PTPRN2: variants seen among roughly 807,000 people sequenced by gnomAD.
PTPRN2 encodes the protein receptor-type tyrosine-protein phosphatase N2.
A neutral mutation model predicts 118.8 loss-of-function variants in PTPRN2; 74 were observed. The observed-to-expected ratio is 0.62, with a 90% CI of 0.52 to 0.76. The LOEUF is 0.76. Ranked by LOEUF, PTPRN2 falls within the 30% of genes least tolerant of loss-of-function variation. The probability of loss-of-function intolerance (pLI) is 0.00; values close to 1 mark genes in which losing one functional copy is unlikely to be tolerated. For missense variants in PTPRN2, 1,481 were observed against 1,394.4 expected (o/e 1.06, Z -0.99); for synonymous variants, 641 against 608.0 (o/e 1.05, Z -0.80).
intron 11 of PTPRN2, among the ~76,000 whole-genome samples, chr7:158,060,888 G>C (rs767865147): frequency 2.0e-5 from 3 of 152,236 alleles, no homozygotes; most frequent in African/African-American, 4.8e-5. Context: ...TGAATCGAAA[G>C]TTTCCTTTAT....
chr7:158,471,462 G>A (rs189623235), intron 2 of PTPRN2, among the ~76,000 whole-genome samples: 78 of 152,314 alleles, frequency 5.1e-4, no homozygotes, highest in African/African-American at 1.8e-3. Flanking sequence ...GGCCGACGCG[G>A]GTGGATCACA....
At chr7:158,453,452 A>C (rs1818231097) in intron 2 of PTPRN2, among the ~76,000 whole-genome samples, 1 of 144,018 alleles carries the variant, frequency 6.9e-6, no homozygotes. Context: ...GACATAGGGG[A>C]ATTGAAAGAG....
At position 157,944,745 on chromosome 7, in the gene PTPRN2, G is replaced by C. The variant is rs1313294539; in HGVS notation, c.1724-46008C>G. On this transcript the variant is annotated intron_variant, in intron 11 of 22. Coordinates refer to ENST00000389418, the MANE Select transcript of PTPRN2 (RefSeq NM_002847.5). The surrounding 1 kb of genome is among the most constrained non-coding windows in gnomAD (Gnocchi z 4.3). ...AGGTCCACGTGCATGGATGAGAGCT[G>C]TGCCCCTCTCTTCTCTAAGCCAAGG... 1.3e-5 allele frequency among the ~76,000 whole-genome samples: 2 copies of C among 152,138 alleles called. No individual in the cohort carries two copies. Among genetic ancestry groups the C allele is most frequent in the African/African-American group, 4.8e-5 (2 of 41,448 alleles).
rs1478014386 is a variant in PTPRN2, at chr7:157,560,012, C to A, written c.2902+8890G>T. ...GGGCCTGGATGGGCTGGTGCCAGCA[C>A]CCGGGACCAAGGAGGGAGCTTGCAG... On this transcript the variant is annotated intron_variant, in intron 21 of 22. Coordinates refer to ENST00000389418, the MANE Select transcript of PTPRN2 (RefSeq NM_002847.5). This position sits in a 1 kb window ranked among gnomAD's most constrained non-coding sequence, Gnocchi z 6.7. Among the ~76,000 whole-genome samples the A allele has an allele frequency of 6.6e-6, 1 of 152,152 alleles. No individual in the cohort carries two copies. Among genetic ancestry groups the A allele is most frequent in the Admixed American group, 6.5e-5 (1 of 15,288 alleles).
At chr7:158,235,864 G>C (rs74517701) in intron 3 of PTPRN2, among the ~76,000 whole-genome samples, 1 of 152,074 alleles carries the variant, frequency 6.6e-6, no homozygotes, top group Non-Finnish European at 1.5e-5. Flanking sequence ...TATGTACATC[G>C]ATTCTGTATC....
At chr7:157,767,779 G>T (rs1230720817) in intron 12 of PTPRN2, among the ~76,000 whole-genome samples, 1 of 152,250 alleles carries the variant, frequency 6.6e-6, no homozygotes, top group Non-Finnish European at 1.5e-5. Flanking sequence ...GGCAAGGCCT[G>T]CCAGGCTCAG....
At chr7:158,561,780 G>A (rs1827400894) in intron 1 of PTPRN2, among the ~76,000 whole-genome samples, 1 of 152,114 alleles carries the variant, frequency 6.6e-6, no homozygotes, top group African/African-American at 2.4e-5. Context: ...AGATGGCCCG[G>A]GCCAACACCA....
chr7:157,770,064 C>T (rs1360795191), intron 12 of PTPRN2, among the ~76,000 whole-genome samples: 2 of 152,240 alleles, frequency 1.3e-5, no homozygotes, highest in Non-Finnish European at 2.9e-5. Flanking sequence ...GTCTCCGAGC[C>T]TCCCCAGCAC....
chr7:158,546,668 G>T lies in PTPRN2; in HGVS notation c.112+40890C>A, dbSNP rs984102036. Reference sequence around the variant, plus strand: ...GAGTAGCAGGTGGGTGACTACAGAGGTGCTCTGAGGGTCTTAGGCAGAGCT... The same window carrying T: ...GAGTAGCAGGTGGGTGACTACAGAGTTGCTCTGAGGGTCTTAGGCAGAGCT... On this transcript the variant is annotated intron_variant, in intron 1 of 22. Transcript: ENST00000389418. The surrounding 1 kb of genome is among the most constrained non-coding windows in gnomAD (Gnocchi z 5.0). 1.3e-5 allele frequency among the ~76,000 whole-genome samples: 2 copies of T among 152,176 alleles called. No homozygotes were observed. The highest frequency in any genetic ancestry group is 4.8e-5 in the African/African-American group (2 of 41,442).
chr7:157,549,045 A>G, intron 21 of PTPRN2, 26 bp from the exon 22 acceptor site: 1 of 1,606,430 alleles, frequency 6.2e-7, no homozygotes, highest in South Asian at 1.1e-5. Flanking sequence ...AATTGGGCTG[A>G]GTTCAGAGCA....
At chr7:158,312,232 A>T (rs1412809034) in intron 3 of PTPRN2, among the ~76,000 whole-genome samples, 1 of 127,548 alleles carries the variant, frequency 7.8e-6, no homozygotes, top group Non-Finnish European at 1.9e-5. Context: ...AGACACCCAC[A>T]CACATGCACA....
At chr7:158,165,525 TA>T (rs1412295359) in intron 6 of PTPRN2, among the ~76,000 whole-genome samples, 1 of 152,220 alleles carries the variant, frequency 6.6e-6, no homozygotes, top group Non-Finnish European at 1.5e-5. Flanking sequence ...AAAACTGCCA[TA>T]ACGGCTGCAT....
chr7:158,148,995 T>C (rs1820550303), intron 6 of PTPRN2, among the ~76,000 whole-genome samples: 1 of 131,948 alleles, frequency 7.6e-6, no homozygotes, highest in Non-Finnish European at 1.6e-5. Context: ...GCCACACATC[T>C]TTCCCCCTCA....
At chr7:158,188,302 C>G (rs1426593602) in intron 5 of PTPRN2, among the ~76,000 whole-genome samples, 9 of 101,756 alleles carry the variant, frequency 8.8e-5, no homozygotes, top group Non-Finnish European at 1.6e-4. Flanking sequence ...CGCTCGCCCC[C>G]TGTATGGGGA....
At chr7:157,654,311 A>G (rs1296181952) in intron 14 of PTPRN2, among the ~76,000 whole-genome samples, 6 of 79,030 alleles carry the variant, frequency 7.6e-5, no homozygotes, top group African/African-American at 9.5e-5. Flanking sequence ...CACCCTCCCC[A>G]ACTCCACACT....
chr7:157,611,692 C>A lies in PTPRN2; in HGVS notation c.2345-7617G>T, dbSNP rs985417438. 1.3e-5 allele frequency among the ~76,000 whole-genome samples: 2 copies of A among 152,108 alleles called. No homozygotes were observed. Among genetic ancestry groups the A allele is most frequent in the East Asian group, 3.9e-4 (2 of 5,162 alleles). The stretch of plus-strand genomic sequence containing the variant: ...CTGCACACCCACACGGGAGGGAGAG[C>A]GCCCGTGTGAAGACGAAGACAGCCG... On this transcript the variant is annotated intron_variant, in intron 15 of 22. Transcript: ENST00000389418. This position sits in a 1 kb window ranked among gnomAD's most constrained non-coding sequence, Gnocchi z 5.9.
At position 157,960,036 on chromosome 7, in the gene PTPRN2, G is replaced by T. The variant is rs76028307; in HGVS notation, c.1724-61299C>A. On this transcript the variant is annotated intron_variant, in intron 11 of 22. Coordinates refer to ENST00000389418, the MANE Select transcript of PTPRN2 (RefSeq NM_002847.5). ...GACATTCATCCAAGCTACAACACGG[G>T]TAAACCTTGAGGATATTATGTTAAG... Among the ~76,000 whole-genome samples, 116 of 152,208 alleles carry T rather than the reference G, an allele frequency of 7.6e-4. 2 individuals carry two copies. In the East Asian group the frequency reaches 0.021, roughly 27 times the overall value.
In PTPRN2 at chr7:157,609,579, C is replaced by T. The variant is rs1025659840; in HGVS notation, c.2345-5504G>A. On this transcript the variant is annotated intron_variant, in intron 15 of 22. Transcript: ENST00000389418. The surrounding 1 kb of genome is among the most constrained non-coding windows in gnomAD (Gnocchi z 4.9). ...AAGGATGGAACGATTCACGTGGCCA[C>T]GGCCTCGTGGTCCACAGGGGAGCAC... Among the ~76,000 whole-genome samples, 1 of 152,166 alleles carries T rather than the reference C, an allele frequency of 6.6e-6. No homozygotes were observed. The highest frequency in any genetic ancestry group is 6.5e-5 in the Admixed American group (1 of 15,280).
chr7:157,750,919 G>C (rs181408600), intron 12 of PTPRN2, among the ~76,000 whole-genome samples: 1 of 152,232 alleles, frequency 6.6e-6, no homozygotes, highest in Admixed American at 6.5e-5. Flanking sequence ...ACCATCGGCC[G>C]ATCTTCCTGG....
Sources: gnomAD v4.1 joint callset for allele counts (sites outside exome capture counted in the v4.1 genomes callset) on GRCh38, gnomAD v4.1.1 for gene constraint, Gnocchi (gnomAD v3.1) non-coding constraint, MANE v1.5 for transcripts, NCBI Gene and HGNC (gene_info 2026-07-23, HGNC 2026-07-21) for gene names.